PROKR1: variants seen among roughly 807,000 people sequenced by gnomAD.
PROKR1 encodes the protein prokineticin receptor 1.
Under a neutral mutation model 22.8 loss-of-function variants are expected in PROKR1, and 21 were observed. That is an observed-to-expected ratio of 0.92 (90% CI 0.65 to 1.32). The LOEUF is 1.32. Ranked by LOEUF, PROKR1 falls within the 40% of genes most tolerant of loss-of-function variation. The pLI is 0.00. For synonymous variants in PROKR1, 193 were observed against 207.5 expected, an observed-to-expected ratio of 0.93 and a Z score of 0.60; for missense variants, 548 against 514.2, an observed-to-expected ratio of 1.07 and a Z score of -0.64.
chr2:68,651,647 G>A (rs1480883516), intron 2 of PROKR1, among the ~76,000 whole-genome samples: 2 of 152,178 alleles, frequency 1.3e-5, no homozygotes, highest in African/African-American at 4.8e-5. Flanking sequence ...ACTGGCCTGA[G>A]GATCAGGTTG....
chr2:68,655,329 C>T lies in PROKR1; in HGVS notation c.935C>T (p.Thr312Ile). The change falls in exon 3 of 3, where the codon ACC becomes ATC. Residue 312 changes from threonine to isoleucine, a missense_variant. By Grantham distance (89) the Thr-to-Ile change is moderately conservative (BLOSUM62 -1). Coordinates refer to ENST00000303786, the MANE Select transcript of PROKR1 (RefSeq NM_138964.4). ...ACCATCGTGCGCGACTTCTTCCCCACCGTGTTTGTGAAGGAGAAGCACTAC... is the reference window on the plus strand; with the variant it reads ...ACCATCGTGCGCGACTTCTTCCCCATCGTGTTTGTGAAGGAGAAGCACTAC... Reference protein sequence around the residue: ...GFTIVRDFFPTVFVKEKHYLT... With the variant: ...GFTIVRDFFPIVFVKEKHYLT... 1 of 1,614,260 alleles carries T rather than the reference C, an allele frequency of 6.2e-7. No individual in the cohort carries two copies. The highest frequency in any genetic ancestry group is 8.5e-7 in the Non-Finnish European group (1 of 1,180,036).
At chr2:68,643,990 T>A (rs1673121666) in intron 1 of PROKR1, 142 bp downstream of exon 1, 1 of 152,276 alleles carries the variant, frequency 6.6e-6, no homozygotes, top group Admixed American at 6.5e-5. Flanking sequence ...AGAGCCAGGC[T>A]TCCCCTCCTC....
At chr2:68,654,132 C>T (rs1028581792) in intron 2 of PROKR1, among the ~76,000 whole-genome samples, 1 of 152,202 alleles carries the variant, frequency 6.6e-6, no homozygotes, top group Non-Finnish European at 1.5e-5. Context: ...CCTTTGCCCA[C>T]TGTTTCCATT....
intron 2 of PROKR1, among the ~76,000 whole-genome samples, chr2:68,653,439 AG>A (rs1673377854): frequency 2.0e-5 from 3 of 149,838 alleles, no homozygotes; most frequent in South Asian, 2.1e-4. Context: ...AAAAAAAATA[AG>A]TAAGAATGAA....
intron 2 of PROKR1, 74 bp from the exon 3 acceptor site, chr2:68,654,806 C>CAA (rs57056816): frequency 0.091 from 103,111 of 1,136,918 alleles, 1,852 homozygotes; most frequent in African/African-American, 0.15. Flanking sequence ...AACCCTGTTT[C>CAA]AAAAAAAAAA....
chr2:68,645,669 A>G lies in PROKR1; in HGVS notation c.-153A>G, dbSNP rs1340551905. Reference sequence around the variant, plus strand: ...TTTGTATGTCTTTCAAAGGTTTAGAATGGAGCTCAGATACCATACCCCAAA... The same window carrying G: ...TTTGTATGTCTTTCAAAGGTTTAGAGTGGAGCTCAGATACCATACCCCAAA... On this transcript the variant is annotated 5_prime_UTR_variant, in exon 2 of 3. The change abolishes an upstream ATG in the 5' untranslated region. Coordinates refer to ENST00000303786, the MANE Select transcript of PROKR1 (RefSeq NM_138964.4). The G allele has an allele frequency of 2.8e-6, 3 of 1,082,854 alleles. No homozygotes were observed. The Admixed American group carries it at 6.1e-5, about 22-fold the overall frequency. 67.1% of individuals were successfully genotyped at this position (1,082,854 alleles called of 1,614,324 possible).
intron 2 of PROKR1, among the ~76,000 whole-genome samples, chr2:68,653,562 C>T (rs1025247305): frequency 6.6e-6 from 1 of 152,208 alleles, no homozygotes; most frequent in East Asian, 1.9e-4. Flanking sequence ...CTGGGCTCTA[C>T]CTGGAATAAG....
In PROKR1 at chr2:68,645,306, G is replaced by GCCATGTTCTGC. The variant is rs1197025034; in HGVS notation, c.-160-355_-160-354insCATGTTCTGCC. ...ATGTTCTGCCAGAAGAGCAAGGAGA[G>GCCATGTTCTGC]CAGACAGGCTTGTCTGAAAGCCCTC... On this transcript the variant is annotated intron_variant, in intron 1 of 2. Coordinates refer to ENST00000303786, the MANE Select transcript of PROKR1 (RefSeq NM_138964.4). Among the ~76,000 whole-genome samples, 317 of 152,296 alleles carry GCCATGTTCTGC rather than the reference G, an allele frequency of 2.1e-3. 5 individuals are homozygous for GCCATGTTCTGC. The highest frequency in any genetic ancestry group is 1.1e-3 in the Non-Finnish European group (72 of 68,022).
Position 68,655,186 on chromosome 2 carries a change from C to G in PROKR1, c.792C>G (p.Val264=), listed in dbSNP as rs922601378. The stretch of plus-strand genomic sequence containing the variant: ...CCCGGGAGCTCTGGTTCAAGGCGGT[C>G]CCTGGATTCCAGACAGAGCAGATCC... ...RISRELWFKA[V]PGFQTEQIRK... Residue 264 remains valine (V), a synonymous_variant, in exon 3 of 3, where the codon GTC becomes GTG. Coordinates refer to ENST00000303786, the MANE Select transcript of PROKR1 (RefSeq NM_138964.4). 13 of 1,614,098 alleles carry G rather than the reference C, an allele frequency of 8.1e-6. No homozygotes were observed. The highest frequency in any genetic ancestry group is 1.1e-5 in the Non-Finnish European group (13 of 1,180,040).
intron 2 of PROKR1, among the ~76,000 whole-genome samples, chr2:68,651,374 G>C (rs7596897): frequency 6.6e-6 from 1 of 151,860 alleles, no homozygotes; most frequent in Non-Finnish European, 1.5e-5. Flanking sequence ...CTTTTAAAAA[G>C]ACAAAACAAA....
chr2:68,654,994 C>T lies in PROKR1; in HGVS notation c.600C>T (p.Phe200=). The T allele has an allele frequency of 6.2e-7, 1 of 1,608,918 alleles. No individual in the cohort carries two copies. The highest frequency in any genetic ancestry group is 2.2e-5 in the East Asian group (1 of 44,634). ...SILIAIPSAY[F]TTETVLVIVK... Reference sequence around the variant, plus strand: ...TGATCGCCATCCCTTCCGCCTACTTCACCACCGAGACGGTCCTCGTCATTG... The same window carrying T: ...TGATCGCCATCCCTTCCGCCTACTTTACCACCGAGACGGTCCTCGTCATTG... Residue 200 remains phenylalanine (F), a synonymous_variant, in exon 3 of 3, where the codon TTC becomes TTT. Coordinates refer to ENST00000303786, the MANE Select transcript of PROKR1 (RefSeq NM_138964.4).
In PROKR1 at chr2:68,653,154, A is replaced by C. The variant is rs12713655; in HGVS notation, c.486-1726A>C. Among the ~76,000 whole-genome samples, 893 of 152,114 alleles carry C rather than the reference A, an allele frequency of 5.9e-3. 3 individuals are homozygous for C. The highest frequency in any genetic ancestry group is 9.6e-3 in the Non-Finnish European group (650 of 67,966). ...GTTACATCAGGAGCACCGCGATCTT[A>C]ATGAAGGGCCCACACTCGTGCATTG... On this transcript the variant is annotated intron_variant, in intron 2 of 2. Transcript: ENST00000303786.
intron 2 of PROKR1, among the ~76,000 whole-genome samples, chr2:68,651,203 GA>G (rs34036623): frequency 9.9e-4 from 149 of 150,160 alleles, no homozygotes; most frequent in African/African-American, 3.3e-3. Context: ...CTCTACAAAA[GA>G]AAAAAAAAAT....
rs1393857072 is a variant in PROKR1, at chr2:68,655,540, T to A, written c.1146T>A (p.Pro382=). 6.2e-7 allele frequency: 1 copy of A among 1,614,088 alleles called. No homozygotes were observed. Among genetic ancestry groups the A allele is most frequent in the Non-Finnish European group, 8.5e-7 (1 of 1,180,034 alleles). Residue 382 remains proline (P), a synonymous_variant, in exon 3 of 3, where the codon CCT becomes CCA. Coordinates refer to ENST00000303786, the MANE Select transcript of PROKR1 (RefSeq NM_138964.4). ...TGGACCTCAAGACAATTGGGATGCC[T>A]GCCACCGAAGAGGTGGACTGCATCA... ...ADLDLKTIGM[P]ATEEVDCIRL...
chr2:68,654,946 C>G lies in PROKR1; in HGVS notation c.552C>G (p.Ala184=). Residue 184 remains alanine (A), a synonymous_variant, in exon 3 of 3, where the codon GCC becomes GCG. Transcript: ENST00000303786. The part of the protein sequence containing the change: ...MKCQTATGLI[A]LVWTVSILIA... ...GCCAAACAGCCACTGGCCTGATTGC[C>G]TTGGTGTGGACGGTGTCCATCCTGA... The G allele has an allele frequency of 5.0e-6, 8 of 1,613,906 alleles. No individual in the cohort carries two copies. The highest frequency in any genetic ancestry group is 6.8e-6 in the Non-Finnish European group (8 of 1,180,016).
Position 68,656,073 on chromosome 2 carries a change from A to T in PROKR1, c.*497A>T, listed in dbSNP as rs1235020966. On this transcript the variant is annotated 3_prime_UTR_variant, in exon 3 of 3. Coordinates refer to ENST00000303786, the MANE Select transcript of PROKR1 (RefSeq NM_138964.4). ...TGTAGCCCTTATCCTCTCATCTTTC[A>T]TGGCGAGGGGCCTTGCATGCATGTG... 2 of 231,918 alleles carry T rather than the reference A, an allele frequency of 8.6e-6. No homozygotes were observed. Among genetic ancestry groups the T allele is most frequent in the African/African-American group, 4.6e-5 (2 of 43,364 alleles). The allele number at this position is 231,918 out of a possible 1,614,324, so 14.4% of individuals were successfully genotyped here.
In PROKR1 at chr2:68,655,426, C is replaced by T. The variant is rs373075900; in HGVS notation, c.1032C>T (p.Thr344=). Residue 344 remains threonine, a synonymous_variant, in exon 3 of 3, where the codon ACC becomes ACT. Transcript: ENST00000303786. The part of the protein sequence containing the change: ...NSMINTLCFV[T]VKNDTVKYFK... ...TGATCAACACTCTGTGCTTCGTGAC[C>T]GTCAAGAACGACACCGTCAAGTACT... The T allele has an allele frequency of 6.2e-7, 1 of 1,614,084 alleles. No homozygotes were observed. The highest frequency in any genetic ancestry group is 2.2e-5 in the East Asian group (1 of 44,878).
At chr2:68,648,188 A>ACAGGCC (rs2104183701) in intron 2 of PROKR1, among the ~76,000 whole-genome samples, 1 of 152,242 alleles carries the variant, frequency 6.6e-6, no homozygotes, top group East Asian at 1.9e-4. Context: ...TACCACTTGA[A>ACAGGCC]CGGAGTAACA....
intron 2 of PROKR1, among the ~76,000 whole-genome samples, chr2:68,651,667 T>C (rs1353112431): frequency 6.6e-6 from 1 of 152,240 alleles, no homozygotes; most frequent in Admixed American, 6.5e-5. Flanking sequence ...GTGTTATCTC[T>C]GCCCATCCCA....
Sources: gnomAD v4.1 joint callset for allele counts (sites outside exome capture counted in the v4.1 genomes callset) on GRCh38, gnomAD v4.1.1 for gene constraint, MANE v1.5 for transcripts, NCBI Gene and HGNC (gene_info 2026-07-23, HGNC 2026-07-21) for gene names.